Variants in TMEM132D observed in about 807,000 individuals in gnomAD.
The protein encoded by TMEM132D is mature OL transmembrane protein.
Under a neutral mutation model 62.3 loss-of-function variants are expected in TMEM132D, and 21 were observed. The observed-to-expected ratio is 0.34, with a 90% CI of 0.24 to 0.49. The LOEUF is 0.49. TMEM132D is among the 20% of genes least tolerant of loss of function. The pLI is 0.99. For missense variants in TMEM132D, 1,346 were observed against 1,402.8 expected, an observed-to-expected ratio of 0.96 and a Z score of 0.65; for synonymous variants, 621 against 575.6, an observed-to-expected ratio of 1.08 and a Z score of -1.13.
intron 4 of TMEM132D, among the ~76,000 whole-genome samples, chr12:129,273,456 C>T (rs1159011371): frequency 1.5e-5 from 2 of 135,184 alleles, no homozygotes; most frequent in Admixed American, 1.5e-4. Flanking sequence ...AAAAAAAAAG[C>T]ACATGAACTC....
At chr12:129,200,697 AAG>A (rs899478092) in intron 5 of TMEM132D, among the ~76,000 whole-genome samples, 2 of 152,206 alleles carry the variant, frequency 1.3e-5, no homozygotes, top group Non-Finnish European at 2.9e-5. Context: ...GGATTGCAGA[AAG>A]AGAACTGCTG....
chr12:129,164,217 C>T (rs968429373), intron 5 of TMEM132D, among the ~76,000 whole-genome samples: 1 of 152,198 alleles, frequency 6.6e-6, no homozygotes, highest in Non-Finnish European at 1.5e-5. Context: ...GAGTGCATTT[C>T]CCGGTCAACT....
At position 129,513,940 on chromosome 12, in the gene TMEM132D, C is replaced by T. The variant is rs1024396784; in HGVS notation, c.1115+17119G>A. Among the ~76,000 whole-genome samples the T allele has an allele frequency of 2.0e-5, 3 of 151,412 alleles. No individual in the cohort carries two copies. In the South Asian group the frequency reaches 6.3e-4, roughly 32 times the overall value. On this transcript the variant is annotated intron_variant, in intron 3 of 8. Transcript: ENST00000422113. ...GCAAGCTCCGCCTCCCGGGTTTGTG[C>T]CATTCTCCTGCCTCAGCCTCCCGAG...
rs1449300636 is a variant in TMEM132D at position 129,832,081 on chromosome 12, G to A, written c.79+71180C>T. Among the ~76,000 whole-genome samples, 51 of 138,436 alleles carry A rather than the reference G, an allele frequency of 3.7e-4. 1 individual carries two copies. The highest frequency in any genetic ancestry group is 3.6e-4 in the Non-Finnish European group (24 of 66,202). The allele number at this position is 138,436 out of a possible 152,430, so 90.8% of individuals were successfully genotyped here. On this transcript the variant is annotated intron_variant, in intron 1 of 8. Transcript: ENST00000422113. ...TTTTTTGTATTTTAGTAGAGACGAG[G>A]TTTCACCATGTTGGCCAGGCTGGTC... is the stretch of plus-strand genomic sequence containing the variant.
chr12:129,678,742 T>C (rs78418562), intron 2 of TMEM132D, among the ~76,000 whole-genome samples: 3,349 of 152,240 alleles, frequency 0.022, 173 homozygotes, highest in South Asian at 0.12. Context: ...TGGTATTTTC[T>C]TCTACACTGA....
At chr12:129,530,402 A>G (rs1163555944) in intron 3 of TMEM132D, among the ~76,000 whole-genome samples, 1 of 152,232 alleles carries the variant, frequency 6.6e-6, no homozygotes, top group Non-Finnish European at 1.5e-5. Flanking sequence ...GGAAACCCCC[A>G]GAGCCACAAA....
intron 5 of TMEM132D, among the ~76,000 whole-genome samples, chr12:129,198,088 A>G (rs1878597793): frequency 6.6e-6 from 1 of 152,198 alleles, no homozygotes. Context: ...CTTGGTTTTA[A>G]TATCACCTCA....
chr12:129,521,477 T>C (rs1038913870), intron 3 of TMEM132D: 5 of 152,140 alleles, frequency 3.3e-5, no homozygotes, highest in African/African-American at 9.7e-5. Flanking sequence ...GAAAAAGCTC[T>C]AAAAGGAAAA....
intron 5 of TMEM132D, among the ~76,000 whole-genome samples, chr12:129,170,693 C>G (rs368544378): frequency 1.3e-5 from 2 of 151,858 alleles, no homozygotes; most frequent in Non-Finnish European, 2.9e-5. Context: ...AGTGTTGTGG[C>G]GCACACCTGT....
chr12:129,799,745 G>A (rs1482488386), intron 1 of TMEM132D, among the ~76,000 whole-genome samples: 2 of 152,136 alleles, frequency 1.3e-5, no homozygotes, highest in East Asian at 3.9e-4. Context: ...CTGGGGAGTA[G>A]CAGGAAAACT....
intron 3 of TMEM132D, among the ~76,000 whole-genome samples, chr12:129,424,755 A>T (rs1403833492): frequency 6.6e-6 from 1 of 151,562 alleles, no homozygotes; most frequent in Non-Finnish European, 1.5e-5. Context: ...CACATAATGA[A>T]CTCCTCACTT....
chr12:129,268,248 A>T (rs1236614089), intron 4 of TMEM132D, among the ~76,000 whole-genome samples: 1 of 152,200 alleles, frequency 6.6e-6, no homozygotes, highest in African/African-American at 2.4e-5. Context: ...TGAACAGGCA[A>T]CCTAGAGAAT....
chr12:129,760,477 C>G (rs918543313), intron 1 of TMEM132D, among the ~76,000 whole-genome samples: 3 of 150,482 alleles, frequency 2.0e-5, no homozygotes, highest in South Asian at 2.1e-4. Flanking sequence ...GACTACAGGC[C>G]CCCGCCTCCA....
intron 1 of TMEM132D, among the ~76,000 whole-genome samples, chr12:129,712,832 T>G (rs12833265): frequency 6.6e-6 from 1 of 152,034 alleles, no homozygotes; most frequent in African/African-American, 2.4e-5. Context: ...GGAAGCAGAC[T>G]GGACAGCTGC....
At chr12:129,335,330 G>A (rs1407205551) in intron 4 of TMEM132D, among the ~76,000 whole-genome samples, 1 of 151,722 alleles carries the variant, frequency 6.6e-6, no homozygotes, top group African/African-American at 2.4e-5. Context: ...TAGAGATGGG[G>A]TTTTGCCATG....
chr12:129,153,314 C>T (rs1189993498), intron 5 of TMEM132D, among the ~76,000 whole-genome samples: 1 of 152,160 alleles, frequency 6.6e-6, no homozygotes, highest in African/African-American at 2.4e-5. Flanking sequence ...TTGCTGCTCA[C>T]CAAATGCAGA....
rs199940551 is a variant in TMEM132D, at chr12:129,696,008, T to C, written c.968+3802A>G. Among the ~76,000 whole-genome samples the C allele has an allele frequency of 3.3e-5, 5 of 152,346 alleles. No individual in the cohort carries two copies. In the East Asian group the frequency reaches 7.7e-4, roughly 23 times the overall value. The stretch of plus-strand genomic sequence containing the variant: ...ACACCAGGGCACATTTTACCTGAAA[T>C]AGAATAAGAAGAAATCCTATTCTGG... On this transcript the variant is annotated intron_variant, in intron 2 of 8. Transcript: ENST00000422113.
chr12:129,581,120 C>T (rs1877846811), intron 2 of TMEM132D, among the ~76,000 whole-genome samples: 1 of 152,160 alleles, frequency 6.6e-6, no homozygotes, highest in Non-Finnish European at 1.5e-5. Context: ...CTATTAGTTC[C>T]CTCGAGAGTT....
At chr12:129,584,836 G>A (rs962670959) in intron 2 of TMEM132D, among the ~76,000 whole-genome samples, 2 of 152,158 alleles carry the variant, frequency 1.3e-5, no homozygotes, top group Non-Finnish European at 2.9e-5. Context: ...TGGAAAGAAA[G>A]AACGGCTCCA....
Sources: gnomAD v4.1 joint callset for allele counts (sites outside exome capture counted in the v4.1 genomes callset) on GRCh38, gnomAD v4.1.1 for gene constraint, MANE v1.5 for transcripts, NCBI Gene and HGNC (gene_info 2026-07-23, HGNC 2026-07-21) for gene names.